Variants in EVI5 observed in about 807,000 individuals in gnomAD.
EVI5 encodes the protein ecotropic viral integration site 5 protein homolog.
EVI5 carries 73 observed loss-of-function variants against 112.0 expected under a neutral mutation model. The ratio of observed to expected loss-of-function variants is 0.65; its 90% confidence interval spans 0.54 to 0.79. The LOEUF (loss-of-function observed/expected upper bound fraction) is 0.79. Ranked by LOEUF, EVI5 falls within the 30% of genes least tolerant of loss-of-function variation. The pLI is 0.00. For synonymous variants in EVI5, 305 were observed against 319.9 expected, an observed-to-expected ratio of 0.95 and a Z score of 0.50; for missense variants, 900 against 968.8, an observed-to-expected ratio of 0.93 and a Z score of 0.94.
chr1:92,672,523 A>G (rs1353881920), intron 10 of EVI5, among the ~76,000 whole-genome samples: 2 of 152,074 alleles, frequency 1.3e-5, no homozygotes, highest in African/African-American at 4.8e-5. Flanking sequence ...AAACACTACC[A>G]TTTTACATTC....
At chr1:92,618,974 A>G (rs1653874386) in intron 16 of EVI5, among the ~76,000 whole-genome samples, 3 of 152,180 alleles carry the variant, frequency 2.0e-5, no homozygotes, top group Admixed American at 2.0e-4. Context: ...GGATAGTTGT[A>G]TTATGTTAGG....
intron 10 of EVI5, among the ~76,000 whole-genome samples, chr1:92,673,239 T>C (rs907239002): frequency 1.3e-5 from 2 of 150,884 alleles, no homozygotes; most frequent in South Asian, 2.1e-4. Flanking sequence ...TGAGCACTTT[T>C]ATATTATTTT....
At chr1:92,595,685 G>C (rs1647595245) in intron 18 of EVI5, among the ~76,000 whole-genome samples, 1 of 152,180 alleles carries the variant, frequency 6.6e-6, no homozygotes, top group Non-Finnish European at 1.5e-5. Flanking sequence ...TGGGCCTCAA[G>C]TACCGGGTAT....
At chr1:92,790,317 ATAAACT>A (rs1414048373) in intron 1 of EVI5, among the ~76,000 whole-genome samples, 4 of 152,038 alleles carry the variant, frequency 2.6e-5, no homozygotes, top group Non-Finnish European at 5.9e-5. Flanking sequence ...TCAAAAATAA[ATAAACT>A]TAAAAGTTCA....
intron 16 of EVI5, among the ~76,000 whole-genome samples, chr1:92,613,807 T>C (rs1285654877): frequency 6.6e-6 from 1 of 152,054 alleles, no homozygotes; most frequent in Non-Finnish European, 1.5e-5. Context: ...CCCAGGCTAG[T>C]CTCAAACTCC....
chr1:92,522,037 G>A (rs1274530949), intron 19 of EVI5, among the ~76,000 whole-genome samples: 2 of 152,138 alleles, frequency 1.3e-5, no homozygotes, highest in Non-Finnish European at 2.9e-5. Flanking sequence ...TTAATAACCT[G>A]CTTTTTCACT....
At chr1:92,692,391 T>C (rs1204108254) in intron 9 of EVI5, among the ~76,000 whole-genome samples, 1 of 152,222 alleles carries the variant, frequency 6.6e-6, no homozygotes, top group Admixed American at 6.5e-5. Flanking sequence ...AATTTGTTTT[T>C]ATCAGTTACA....
chr1:92,573,863 C>T (rs1670653137), intron 18 of EVI5, among the ~76,000 whole-genome samples: 1 of 152,020 alleles, frequency 6.6e-6, no homozygotes, highest in Admixed American at 6.6e-5. Context: ...TATATGACTT[C>T]CATCACTGAA....
chr1:92,696,448 T>C (rs187982292), intron 6 of EVI5, among the ~76,000 whole-genome samples: 58 of 151,854 alleles, frequency 3.8e-4, no homozygotes, highest in Non-Finnish European at 6.9e-4. Flanking sequence ...ACCCTGTCTC[T>C]ACAAAAATTA....
chr1:92,766,239 G>A (rs890922428), intron 1 of EVI5, among the ~76,000 whole-genome samples: 1 of 151,630 alleles, frequency 6.6e-6, no homozygotes, highest in East Asian at 1.9e-4. Flanking sequence ...CGCAAGTGAG[G>A]AGCTAAGCCT....
intron 2 of EVI5, among the ~76,000 whole-genome samples, chr1:92,711,118 C>T (rs1397135585): frequency 6.6e-6 from 1 of 152,056 alleles, no homozygotes; most frequent in East Asian, 1.9e-4. Flanking sequence ...AAAGGCTTAT[C>T]TATAATACTA....
At position 92,513,545 on chromosome 1, in the gene EVI5, ATATATATATATATATATATATGTAC is replaced by A; in HGVS notation, c.*86_*110del. The A allele has an allele frequency of 2.5e-4, 3 of 12,210 alleles. No homozygotes were observed. Among genetic ancestry groups the A allele is most frequent in the Admixed American group, 9.7e-4 (1 of 1,026 alleles). The allele number at this position is 12,210 out of a possible 1,614,324, so 0.8% of individuals were successfully genotyped here. On this transcript the variant is annotated 3_prime_UTR_variant, in exon 20 of 20. Coordinates refer to ENST00000684568, the MANE Select transcript of EVI5 (RefSeq NM_001350197.2). ...TATATATATATATATATATATATAT[ATATATATATATATATATATATGTAC>A]ATATGAAACAAATTATTTCCAAAAA...
At chr1:92,714,643 A>G (rs577317999) in intron 2 of EVI5, among the ~76,000 whole-genome samples, 165 of 152,316 alleles carry the variant, frequency 1.1e-3, no homozygotes, top group African/African-American at 3.6e-3. Context: ...AGGCTGGAGT[A>G]TAGTAATGTG....
intron 13 of EVI5, among the ~76,000 whole-genome samples, chr1:92,640,732 T>C (rs1000544187): frequency 1.3e-5 from 2 of 152,174 alleles, no homozygotes; most frequent in East Asian, 1.9e-4. Flanking sequence ...TTACCAGGCA[T>C]ATACCCAAAA....
chr1:92,755,561 C>G (rs765867684), intron 1 of EVI5, among the ~76,000 whole-genome samples: 2 of 152,162 alleles, frequency 1.3e-5, no homozygotes, highest in Non-Finnish European at 2.9e-5. Context: ...TGATACATGT[C>G]GATGGGCTGA....
chr1:92,707,911 T>G (rs1672256741), intron 2 of EVI5, among the ~76,000 whole-genome samples: 1 of 152,142 alleles, frequency 6.6e-6, no homozygotes, highest in Non-Finnish European at 1.5e-5. Flanking sequence ...GTGATACTAC[T>G]CAGCAATAAA....
chr1:92,631,006 G>A (rs190357985), intron 14 of EVI5, among the ~76,000 whole-genome samples: 3 of 150,548 alleles, frequency 2.0e-5, no homozygotes, highest in Admixed American at 6.6e-5. Flanking sequence ...TCTGAGGGCT[G>A]TTCCATTGGT....
intron 19 of EVI5, among the ~76,000 whole-genome samples, chr1:92,542,590 C>T (rs1317650982): frequency 6.6e-6 from 1 of 152,220 alleles, no homozygotes; most frequent in Non-Finnish European, 1.5e-5. Context: ...AGAGGAATCA[C>T]TATATATGGC....
intron 1 of EVI5, among the ~76,000 whole-genome samples, chr1:92,752,877 T>C (rs1264444974): frequency 1.3e-5 from 2 of 152,112 alleles, no homozygotes; most frequent in East Asian, 3.9e-4. Flanking sequence ...AGAATCTACT[T>C]TCTAAAAGAA....
Sources: allele counts gnomAD v4.1 joint callset (sites outside exome capture counted in the v4.1 genomes callset), GRCh38; gene constraint gnomAD v4.1.1; transcripts MANE v1.5; gene names NCBI Gene and HGNC (gene_info 2026-07-23, HGNC 2026-07-21).